The following PTPRN2 variants were observed in gnomAD, a reference collection of about 807,000 sequenced individuals.
PTPRN2 encodes receptor-type tyrosine-protein phosphatase N2.
A neutral mutation model predicts 118.8 loss-of-function variants in PTPRN2; 74 were observed. The observed-to-expected ratio is 0.62, with a 90% CI of 0.52 to 0.76. PTPRN2 has a LOEUF of 0.76. Among genes scored for constraint, PTPRN2 ranks in the 30% least tolerant of loss-of-function variants. The probability of loss-of-function intolerance (pLI) is 0.00; values close to 1 mark genes in which losing one functional copy is unlikely to be tolerated. For synonymous variants in PTPRN2, 641 were observed against 608.0 expected (o/e 1.05, Z -0.80); for missense variants, 1,481 against 1,394.4 (o/e 1.06, Z -0.99).
intron 10 of PTPRN2, among the ~76,000 whole-genome samples, chr7:158,098,711 GGAA>G (rs1430814671): frequency 5.3e-5 from 8 of 152,294 alleles, no homozygotes; most frequent in African/African-American, 1.9e-4. Context: ...CTCGGGGACT[GGAA>G]GAAGAAGGAC....
chr7:158,395,030 C>T (rs1340781026), intron 2 of PTPRN2, among the ~76,000 whole-genome samples: 7 of 152,208 alleles, frequency 4.6e-5, no homozygotes, highest in African/African-American at 1.7e-4. Flanking sequence ...TGCTGTAAAA[C>T]TTCGGCTCCT....
At chr7:158,043,722 G>T (rs1808640576) in intron 11 of PTPRN2, among the ~76,000 whole-genome samples, 1 of 152,198 alleles carries the variant, frequency 6.6e-6, no homozygotes, top group African/African-American at 2.4e-5. Flanking sequence ...ACCAGCCTTT[G>T]TTCTCAATGC....
chr7:157,862,082 G>A (rs1311881655), intron 12 of PTPRN2, among the ~76,000 whole-genome samples: 2 of 149,980 alleles, frequency 1.3e-5, no homozygotes, highest in African/African-American at 2.5e-5. Context: ...TCTGTGTGCC[G>A]GAGTCTGTCC....
chr7:157,542,963 A>G (rs1798085046), intron 22 of PTPRN2, among the ~76,000 whole-genome samples: 1 of 152,144 alleles, frequency 6.6e-6, no homozygotes, highest in Admixed American at 6.5e-5. Flanking sequence ...CGGCGCCGGG[A>G]TGTAGCACCC....
chr7:158,123,295 C>T lies in PTPRN2; in HGVS notation c.1556+10382G>A, dbSNP rs113979107. Among the ~76,000 whole-genome samples the T allele has an allele frequency of 3.4e-3, 512 of 152,328 alleles. 5 individuals are homozygous for T. Among genetic ancestry groups the T allele is most frequent in the African/African-American group, 0.012 (490 of 41,570 alleles). On this transcript the variant is annotated intron_variant, in intron 9 of 22. Coordinates refer to ENST00000389418, the MANE Select transcript of PTPRN2 (RefSeq NM_002847.5). ...TCCCCCATGCAGAGAAGCAACGCTT[C>T]GAGGGTGGCAAACAGTGGGCTGGGG... is the stretch of plus-strand genomic sequence containing the variant.
chr7:157,571,577 G>A (rs1799761192), intron 19 of PTPRN2, 84 bp from the exon 20 acceptor site: 1 of 1,021,064 alleles, frequency 9.8e-7, no homozygotes, highest in Non-Finnish European at 1.5e-6. Flanking sequence ...AAAGCGCAAG[G>A]TCTGTGTGTT....
chr7:158,341,971 A>C (rs1469842335), intron 2 of PTPRN2, among the ~76,000 whole-genome samples: 5 of 148,436 alleles, frequency 3.4e-5, no homozygotes, highest in African/African-American at 1.0e-4. Context: ...GACGTCACTC[A>C]CACCCACACT....
intron 2 of PTPRN2, among the ~76,000 whole-genome samples, chr7:158,384,165 C>T (rs1811162540): frequency 6.6e-6 from 1 of 152,230 alleles, no homozygotes; most frequent in Non-Finnish European, 1.5e-5. Flanking sequence ...ACTTGGCACA[C>T]ATGTCTATTT....
At chr7:158,002,492 G>A (rs1012401218) in intron 11 of PTPRN2, among the ~76,000 whole-genome samples, 20 of 152,284 alleles carry the variant, frequency 1.3e-4, no homozygotes, top group African/African-American at 3.9e-4. Context: ...CTCGTGAGCC[G>A]GATGGCAACC....
At chr7:157,541,857 A>T (rs868852338) in intron 22 of PTPRN2, among the ~76,000 whole-genome samples, 2 of 152,254 alleles carry the variant, frequency 1.3e-5, no homozygotes, top group Non-Finnish European at 2.9e-5. Context: ...CGTGATGCTC[A>T]TTCTGAGACA....
chr7:157,685,521 C>G (rs761682196), intron 12 of PTPRN2, among the ~76,000 whole-genome samples: 36 of 152,116 alleles, frequency 2.4e-4, no homozygotes, highest in Non-Finnish European at 4.7e-4. Context: ...GCGCTGCCCG[C>G]GGTCACTCGG....
chr7:158,249,863 G>A (rs1039408027), intron 3 of PTPRN2, among the ~76,000 whole-genome samples: 1 of 152,140 alleles, frequency 6.6e-6, no homozygotes, highest in African/African-American at 2.4e-5. Context: ...CCAGCAAGAC[G>A]CCACGTCCCT....
At chr7:157,941,301 T>C (rs113170437) in intron 11 of PTPRN2, among the ~76,000 whole-genome samples, 135 of 32,682 alleles carry the variant, frequency 4.1e-3, no homozygotes, top group Middle Eastern at 0.029. Context: ...CACTCTCCCC[T>C]GTGACACTGC....
At chr7:157,695,910 C>A (rs1797746148) in intron 12 of PTPRN2, among the ~76,000 whole-genome samples, 1 of 151,802 alleles carries the variant, frequency 6.6e-6, no homozygotes, top group Admixed American at 6.6e-5. Context: ...TGGCAGAGCC[C>A]TCACCATCTA....
chr7:158,221,792 T>C (rs913977733), intron 3 of PTPRN2, among the ~76,000 whole-genome samples: 1 of 152,090 alleles, frequency 6.6e-6, no homozygotes, highest in Admixed American at 6.5e-5. Flanking sequence ...CAATTCAAGA[T>C]GAGATGTGGG....
At chr7:157,762,792 G>C in intron 12 of PTPRN2, among the ~76,000 whole-genome samples, 1 of 152,154 alleles carries the variant, frequency 6.6e-6, no homozygotes, top group Non-Finnish European at 1.5e-5. Context: ...AGCCAAAGGA[G>C]AGAGGTGGGA....
intron 9 of PTPRN2, among the ~76,000 whole-genome samples, chr7:158,120,733 C>T (rs187018976): frequency 2.6e-5 from 4 of 152,326 alleles, no homozygotes; most frequent in Admixed American, 1.3e-4. Flanking sequence ...CCCAGGTCAG[C>T]TCCTGTCCCA....
chr7:157,996,493 G>T (rs1318208309), intron 11 of PTPRN2, among the ~76,000 whole-genome samples: 1 of 152,230 alleles, frequency 6.6e-6, no homozygotes, highest in Non-Finnish European at 1.5e-5. Flanking sequence ...AGTGCCAGGG[G>T]AGCTTTGGTC....
At chr7:158,250,203 G>A (rs796174354) in intron 3 of PTPRN2, among the ~76,000 whole-genome samples, 8 of 152,170 alleles carry the variant, frequency 5.3e-5, no homozygotes, top group African/African-American at 1.7e-4. Flanking sequence ...ACCCACAATC[G>A]GATCTATGGG....
Sources: gnomAD v4.1 joint callset for allele counts (sites outside exome capture counted in the v4.1 genomes callset) on GRCh38, gnomAD v4.1.1 for gene constraint, MANE v1.5 for transcripts, NCBI Gene and HGNC (gene_info 2026-07-23, HGNC 2026-07-21) for gene names.